Variants in LRIG1 observed in about 807,000 individuals in gnomAD.
LRIG1 encodes the protein leucine-rich repeats and immunoglobulin-like domains protein 1.
A neutral mutation model predicts 99.2 loss-of-function variants in LRIG1; 48 were observed. The ratio of observed to expected loss-of-function variants is 0.48; its 90% confidence interval spans 0.38 to 0.62. LRIG1 has a LOEUF of 0.62. LRIG1 is among the 20% of genes least tolerant of loss of function. The pLI is 0.00. For synonymous variants in LRIG1, 772 were observed against 596.1 expected (o/e 1.29, Z -4.30); for missense variants, 1,646 against 1,434.4 (o/e 1.15, Z -2.38).
chr3:66,407,745 G>T (rs568594546), intron 7 of LRIG1, among the ~76,000 whole-genome samples: 23 of 152,334 alleles, frequency 1.5e-4, no homozygotes, highest in African/African-American at 2.6e-4. Flanking sequence ...AGGGGCCAGG[G>T]TGGCTGTTAA....
At chr3:66,463,480 T>TTA (rs1700403361) in intron 1 of LRIG1, among the ~76,000 whole-genome samples, 1 of 152,194 alleles carries the variant, frequency 6.6e-6, no homozygotes, top group African/African-American at 2.4e-5. Flanking sequence ...AGCCATACCC[T>TTA]TAGAGGCGGA....
chr3:66,442,886 C>T (rs924785029), intron 3 of LRIG1, among the ~76,000 whole-genome samples: 20 of 152,164 alleles, frequency 1.3e-4, no homozygotes, highest in African/African-American at 4.6e-4. Context: ...AACCCCACAG[C>T]TGGTGTTCCC....
intron 1 of LRIG1, among the ~76,000 whole-genome samples, chr3:66,490,121 T>C (rs567097096): frequency 2.1e-4 from 32 of 152,362 alleles, no homozygotes; most frequent in African/African-American, 6.0e-4. Flanking sequence ...GAAGAGTCTC[T>C]GATTTTTCCA....
intron 1 of LRIG1, among the ~76,000 whole-genome samples, chr3:66,463,516 T>C (rs1485366545): frequency 6.6e-6 from 1 of 152,220 alleles, no homozygotes; most frequent in Admixed American, 6.5e-5. Flanking sequence ...GCAACTATTC[T>C]GTTAGGGGAC....
chr3:66,453,141 G>A (rs769021877), intron 2 of LRIG1, among the ~76,000 whole-genome samples: 3 of 152,082 alleles, frequency 2.0e-5, no homozygotes, highest in Admixed American at 6.5e-5. Context: ...ACCCATCAAC[G>A]TACCTATTAT....
intron 3 of LRIG1, among the ~76,000 whole-genome samples, chr3:66,424,732 T>C (rs1702924074): frequency 6.6e-6 from 1 of 152,232 alleles, no homozygotes; most frequent in Non-Finnish European, 1.5e-5. Flanking sequence ...CTTACGATGG[T>C]TCAGCTTAAC....
At chr3:66,479,894 T>A (rs572483220) in intron 1 of LRIG1, among the ~76,000 whole-genome samples, 1 of 152,186 alleles carries the variant, frequency 6.6e-6, no homozygotes, top group East Asian at 1.9e-4. Context: ...AGTCTAGCAG[T>A]TCCTCAAAAA....
At chr3:66,393,511 C>T (rs770390042) in intron 12 of LRIG1, among the ~76,000 whole-genome samples, 2 of 152,326 alleles carry the variant, frequency 1.3e-5, no homozygotes, top group East Asian at 1.9e-4. Flanking sequence ...GCAAGAGCTA[C>T]GCTCCAGGAA....
intron 3 of LRIG1, among the ~76,000 whole-genome samples, chr3:66,439,575 T>TA (rs71105989): frequency 0.2 from 29,428 of 150,768 alleles, 2,994 homozygotes; most frequent in Admixed American, 0.26. Flanking sequence ...TTTTTTTTTT[T>TA]AAAAAGAGCC....
At chr3:66,445,334 T>C (rs901578275) in intron 3 of LRIG1, among the ~76,000 whole-genome samples, 1 of 151,940 alleles carries the variant, frequency 6.6e-6, no homozygotes, top group Non-Finnish European at 1.5e-5. Context: ...CCTTCAATAG[T>C]AAAGCTAAAT....
chr3:66,495,970 C>G (rs1482319078), intron 1 of LRIG1, among the ~76,000 whole-genome samples: 1 of 152,176 alleles, frequency 6.6e-6, no homozygotes, highest in Non-Finnish European at 1.5e-5. Context: ...AGAACCCAGG[C>G]AAAGTAATTA....
chr3:66,490,847 G>A (rs531949344), intron 1 of LRIG1, among the ~76,000 whole-genome samples: 48 of 152,314 alleles, frequency 3.2e-4, no homozygotes, highest in Non-Finnish European at 6.2e-4. Context: ...GAAGATGGAA[G>A]TCATTCCAAA....
chr3:66,464,295 AAAGGC>A (rs1700421863), intron 1 of LRIG1, among the ~76,000 whole-genome samples: 1 of 152,164 alleles, frequency 6.6e-6, no homozygotes, highest in South Asian at 2.1e-4. Context: ...CAGAAACCAC[AAAGGC>A]AAGAGCTTAG....
At chr3:66,464,355 A>C (rs569639970) in intron 1 of LRIG1, among the ~76,000 whole-genome samples, 2 of 152,214 alleles carry the variant, frequency 1.3e-5, no homozygotes, top group Non-Finnish European at 2.9e-5. Context: ...CCCTGTGTGT[A>C]ACAAGGCTGA....
chr3:66,469,881 G>T (rs1700557084), intron 1 of LRIG1, among the ~76,000 whole-genome samples: 2 of 127,636 alleles, frequency 1.6e-5, no homozygotes, highest in South Asian at 4.8e-4. Flanking sequence ...ACCAGCCTGG[G>T]CAACATAGTG....
chr3:66,487,381 C>T (rs1396736784), intron 1 of LRIG1, among the ~76,000 whole-genome samples: 1 of 152,202 alleles, frequency 6.6e-6, no homozygotes, highest in African/African-American at 2.4e-5. Context: ...GTCCTCCACA[C>T]AGGCCAATCA....
intron 3 of LRIG1, among the ~76,000 whole-genome samples, chr3:66,442,809 C>CA (rs898253642): frequency 6.6e-6 from 1 of 152,120 alleles, no homozygotes. Context: ...ACCGAGTTTC[C>CA]AAAAGAGGCA....
chr3:66,452,113 C>T (rs982324268), intron 2 of LRIG1, among the ~76,000 whole-genome samples: 2 of 152,182 alleles, frequency 1.3e-5, no homozygotes, highest in African/African-American at 4.8e-5. Context: ...TTCAGTGCCT[C>T]ATCTGTGAAA....
intron 1 of LRIG1, among the ~76,000 whole-genome samples, chr3:66,488,593 C>T (rs1412390229): frequency 1.3e-5 from 2 of 152,110 alleles, no homozygotes; most frequent in Non-Finnish European, 2.9e-5. Flanking sequence ...GCTGAGATCA[C>T]ACCACTGCAC....
Sources: gnomAD v4.1 joint callset for allele counts (sites outside exome capture counted in the v4.1 genomes callset) on GRCh38, gnomAD v4.1.1 for gene constraint, MANE v1.5 for transcripts, NCBI Gene and HGNC (gene_info 2026-07-23, HGNC 2026-07-21) for gene names.